The following KCNN2 variants were observed in gnomAD, a reference collection of about 807,000 sequenced individuals.
KCNN2 encodes small conductance calcium-activated potassium channel protein 2.
Under a neutral mutation model 55.5 loss-of-function variants are expected in KCNN2, and 24 were observed. That is an observed-to-expected ratio of 0.43 (90% CI 0.31 to 0.61). The LOEUF is 0.61. KCNN2 is among the 20% of genes least tolerant of loss of function. The pLI, the probability that KCNN2 is intolerant of heterozygous loss-of-function variation, is 0.08. For missense variants in KCNN2, 754 were observed against 853.6 expected (o/e 0.88, Z 1.45); for synonymous variants, 431 against 336.1 (o/e 1.28, Z -3.09).
intron 1 of KCNN2, among the ~76,000 whole-genome samples, chr5:114,166,032 T>A (rs752556147): frequency 6.6e-6 from 1 of 152,066 alleles, no homozygotes; most frequent in Non-Finnish European, 1.5e-5. Context: ...TTAAAAACAT[T>A]TCTTCTTATG....
chr5:114,076,459 G>A lies in KCNN2; in HGVS notation c.-271+19959G>A, dbSNP rs530355134. Reference sequence around the variant, plus strand: ...ATAGATGTGATTTGAGAGCCAGAGGGGCCTTAAACATCATGTATTTCAACT... The same window carrying A: ...ATAGATGTGATTTGAGAGCCAGAGGAGCCTTAAACATCATGTATTTCAACT... On this transcript the variant is annotated intron_variant, in intron 1 of 10. Transcript: ENST00000512097. Among the ~76,000 whole-genome samples, 36 of 152,194 alleles carry A rather than the reference G, an allele frequency of 2.4e-4. No homozygotes were observed. The South Asian group carries it at 3.3e-3, about 14-fold the overall frequency.
At chr5:114,240,454 A>G (rs1754595305) in intron 2 of KCNN2, among the ~76,000 whole-genome samples, 2 of 144,904 alleles carry the variant, frequency 1.4e-5, no homozygotes, top group African/African-American at 5.1e-5. Context: ...TTTTTGAGAC[A>G]AAGTCTCACT....
intron 1 of KCNN2, among the ~76,000 whole-genome samples, chr5:114,190,800 T>C (rs2112562631): frequency 6.6e-6 from 1 of 152,332 alleles, no homozygotes; most frequent in African/African-American, 2.4e-5. Context: ...AAAACATTTG[T>C]ACCGAAGACC....
chr5:114,439,772 C>A (rs1760141481), intron 3 of KCNN2, among the ~76,000 whole-genome samples: 1 of 152,114 alleles, frequency 6.6e-6, no homozygotes, highest in African/African-American at 2.4e-5. Flanking sequence ...AGAAAGAAAG[C>A]AAACCAACAA....
intron 1 of KCNN2, among the ~76,000 whole-genome samples, chr5:114,176,884 T>G (rs1016347893): frequency 6.6e-6 from 1 of 152,170 alleles, no homozygotes; most frequent in African/African-American, 2.4e-5. Context: ...ATATGTAAGT[T>G]AATATAGAAC....
At chr5:114,279,761 T>C (rs201735886) in intron 2 of KCNN2, among the ~76,000 whole-genome samples, 135,193 of 150,782 alleles carry the variant, frequency 0.9, 61,023 homozygotes, top group East Asian at 0.94. Context: ...AATAAACATA[T>C]GTGTGCGTGT....
At chr5:114,197,817 A>T (rs1753589932) in intron 1 of KCNN2, among the ~76,000 whole-genome samples, 1 of 152,116 alleles carries the variant, frequency 6.6e-6, no homozygotes, top group Non-Finnish European at 1.5e-5. Context: ...GCTTCCCAGG[A>T]ACTGGGAAGT....
intron 2 of KCNN2, among the ~76,000 whole-genome samples, chr5:114,287,727 T>C (rs927487526): frequency 2.0e-5 from 3 of 151,272 alleles, no homozygotes; most frequent in Non-Finnish European, 4.4e-5. Flanking sequence ...TAACCTGCAC[T>C]TTCTGCACGT....
chr5:114,385,097 T>G (rs953246479), intron 2 of KCNN2, among the ~76,000 whole-genome samples: 1 of 152,120 alleles, frequency 6.6e-6, no homozygotes, highest in Admixed American at 6.5e-5. Flanking sequence ...GTTGCCCTAT[T>G]TTGTTTCTGT....
chr5:114,137,380 T>C (rs947154441), intron 1 of KCNN2, among the ~76,000 whole-genome samples: 4 of 152,198 alleles, frequency 2.6e-5, no homozygotes, highest in African/African-American at 9.7e-5. Context: ...TTTATTCCTC[T>C]GATCCTTCCC....
In KCNN2 at chr5:114,196,834, TTTTA is replaced by T. The variant is rs575330070; in HGVS notation, c.-270-24638_-270-24635del. Among the ~76,000 whole-genome samples the T allele has an allele frequency of 3.5e-3, 529 of 152,180 alleles. 2 individuals are homozygous for T. Among genetic ancestry groups the T allele is most frequent in the African/African-American group, 0.012 (515 of 41,558 alleles). ...TTCTCTATTGCATTTTTATTTGCTA[TTTTA>T]TTTATTTCTGTTGTATTCTGTATTA... On this transcript the variant is annotated intron_variant, in intron 1 of 10. Transcript: ENST00000512097.
intron 3 of KCNN2, among the ~76,000 whole-genome samples, chr5:114,437,832 G>GT (rs1401995965): frequency 2.6e-5 from 4 of 152,146 alleles, no homozygotes; most frequent in Admixed American, 1.3e-4. Context: ...TGATATTTGA[G>GT]TAAGATTTTT....
chr5:114,354,950 C>A (rs1757271712), intron 2 of KCNN2, among the ~76,000 whole-genome samples: 1 of 152,172 alleles, frequency 6.6e-6, no homozygotes, highest in Admixed American at 6.5e-5. Context: ...GAATTAAACT[C>A]ATTTTTAAGA....
At chr5:114,065,861 T>G (rs1452743277) in intron 1 of KCNN2, among the ~76,000 whole-genome samples, 28 of 142,012 alleles carry the variant, frequency 2.0e-4, no homozygotes, top group Non-Finnish European at 3.7e-4. Flanking sequence ...TTTTTTTTTT[T>G]TTTTTTTTTT....
At chr5:114,294,058 T>C (rs1267455133) in intron 2 of KCNN2, among the ~76,000 whole-genome samples, 1 of 152,188 alleles carries the variant, frequency 6.6e-6, no homozygotes, top group Non-Finnish European at 1.5e-5. Context: ...TCATTTTTCA[T>C]TGCGTCTATT....
chr5:114,143,026 C>G (rs1302110336), intron 1 of KCNN2, among the ~76,000 whole-genome samples: 1 of 152,002 alleles, frequency 6.6e-6, no homozygotes, highest in Non-Finnish European at 1.5e-5. Context: ...ATTGACAGGT[C>G]AAGAAATAAT....
At chr5:114,099,638 G>A (rs1751334642) in intron 1 of KCNN2, among the ~76,000 whole-genome samples, 1 of 152,040 alleles carries the variant, frequency 6.6e-6, no homozygotes, top group South Asian at 2.1e-4. Context: ...CACCATACCT[G>A]ACTTAGAGTC....
intron 3 of KCNN2, among the ~76,000 whole-genome samples, chr5:114,453,073 C>G (rs145253668): frequency 3.9e-5 from 6 of 152,310 alleles, no homozygotes; most frequent in Middle Eastern, 3.4e-3. Flanking sequence ...TTGGACACCA[C>G]CACTTGCCCT....
intron 7 of KCNN2, among the ~76,000 whole-genome samples, chr5:114,494,409 A>T (rs554801347): frequency 1.5e-4 from 23 of 150,646 alleles, no homozygotes; most frequent in African/African-American, 5.6e-4. Flanking sequence ...TAGATGTTGA[A>T]GACAGTAAGT....
Sources: allele counts gnomAD v4.1 joint callset (sites outside exome capture counted in the v4.1 genomes callset), GRCh38; gene constraint gnomAD v4.1.1; transcripts MANE v1.5; gene names NCBI Gene and HGNC (gene_info 2026-07-23, HGNC 2026-07-21).